SPTBN2: variants seen among roughly 807,000 people sequenced by gnomAD.
SPTBN2 encodes spectrin beta chain, non-erythrocytic 2.
SPTBN2 carries 107 observed loss-of-function variants against 284.2 expected under a neutral mutation model. The observed-to-expected ratio is 0.38, with a 90% CI of 0.32 to 0.44. SPTBN2 has a LOEUF of 0.44. Ranked by LOEUF, SPTBN2 falls within the 20% of genes least tolerant of loss-of-function variation. The probability of loss-of-function intolerance (pLI) is 1.00; values close to 1 mark genes in which losing one functional copy is unlikely to be tolerated. For missense variants in SPTBN2, 2,569 were observed against 3,287.1 expected (o/e 0.78, Z 5.34); for synonymous variants, 1,289 against 1,354.8 (o/e 0.95, Z 1.07).
In SPTBN2 at chr11:66,721,215, T is replaced by C; in HGVS notation, c.26A>G (p.Asp9Gly). 1 of 1,614,102 alleles carries C rather than the reference T, an allele frequency of 6.2e-7. No homozygotes were observed. The highest frequency in any genetic ancestry group is 1.1e-5 in the South Asian group (1 of 91,076). Residue 9 changes from aspartate to glycine, a missense_variant, in exon 3 of 38, where the codon GAC becomes GGC. This residue lies in a region of SPTBN2 where 304 missense variants were observed against 522.1 expected (regional missense o/e 0.58). Coordinates refer to ENST00000533211, the MANE Select transcript of SPTBN2 (RefSeq NM_006946.4). ...GCCCTGGATTTCCAAGCTGTCAAAG[T>C]CTGTGGGTGACAGCGTGCTGCTCAT... MSSTLSPT[D>G]FDSLEIQGQY...
At position 66,708,357 on chromosome 11, in the gene SPTBN2, T is replaced by C. The variant is rs748206596; in HGVS notation, c.1192-58A>G. ...CAGGGTGGGGAGGGCTCAGTGGGGC[T>C]GGAGGCACATGGTAAGTCCCATGGA... is the stretch of plus-strand genomic sequence containing the variant. On this transcript the variant is annotated intron_variant, in intron 11 of 37. Transcript: ENST00000533211. The surrounding 1 kb of genome is among the most constrained non-coding windows in gnomAD (Gnocchi z 4.4). 9.5e-6 allele frequency: 14 copies of C among 1,474,930 alleles called. No individual in the cohort carries two copies. Among genetic ancestry groups the C allele is most frequent in the African/African-American group, 1.4e-5 (1 of 71,274 alleles). 91.4% of individuals were successfully genotyped at this position (1,474,930 alleles called of 1,614,324 possible).
Position 66,688,400 on chromosome 11 carries a change from T to C in SPTBN2, c.6232-89A>G. The C allele has an allele frequency of 3.2e-6, 5 of 1,541,382 alleles. 1 individual carries two copies. Among genetic ancestry groups the C allele is most frequent in the South Asian group, 2.4e-5 (2 of 83,648 alleles). Reference sequence around the variant, plus strand: ...AGAGCTGAAATGTCTCAACTCTAATTTGATGAAATATGATAAGAGGAGAAC... The same window carrying C: ...AGAGCTGAAATGTCTCAACTCTAATCTGATGAAATATGATAAGAGGAGAAC... On this transcript the variant is annotated intron_variant, in intron 31 of 37. Coordinates refer to ENST00000533211, the MANE Select transcript of SPTBN2 (RefSeq NM_006946.4).
Position 66,741,543 on chromosome 11 carries a change from A to G in SPTBN2, c.-475+2999T>C, listed in dbSNP as rs558599420. Among the ~76,000 whole-genome samples the G allele has an allele frequency of 1.1e-4, 17 of 152,358 alleles. No homozygotes were observed. In the South Asian group the frequency reaches 3.5e-3, roughly 32 times the overall value. ...GGGTGCAGAAATGGAAGCAGAATCA[A>G]TATGTCACCCAGTCTAAGGACTGGA... On this transcript the variant is annotated intron_variant, in intron 1 of 37. Coordinates refer to the SPTBN2 transcript ENST00000611817.
In SPTBN2 at chr11:66,705,011, A is replaced by G; in HGVS notation, c.2265T>C (p.Asp755=). ...CCAACCAGGCCTCCATGTCGTTTGC[A>G]TCGGCCTGGAACTGGTAGAGGCTGG... The part of the protein sequence containing the change: ...QAASLYQFQA[D]ANDMEAWLVD... The change falls in exon 15 of 38, where the codon GAT becomes GAC. Residue 755 remains aspartate, a synonymous_variant. Transcript: ENST00000533211. 1.2e-6 allele frequency: 2 copies of G among 1,603,994 alleles called. No homozygotes were observed. Among genetic ancestry groups the G allele is most frequent in the Non-Finnish European group, 8.5e-7 (1 of 1,179,762 alleles).
rs1177539788 is a variant in SPTBN2, at chr11:66,687,979, G to A, written c.6450+25C>T. 6.2e-7 allele frequency: 1 copy of A among 1,614,020 alleles called. No individual in the cohort carries two copies. Among genetic ancestry groups the A allele is most frequent in the Non-Finnish European group, 8.5e-7 (1 of 1,179,980 alleles). On this transcript the variant is annotated intron_variant, in intron 33 of 37. Coordinates refer to ENST00000533211, the MANE Select transcript of SPTBN2 (RefSeq NM_006946.4). The surrounding 1 kb of genome is among the most constrained non-coding windows in gnomAD (Gnocchi z 5.2). The stretch of plus-strand genomic sequence containing the variant: ...GGTGGAGGGGCTACGACTCCGATGG[G>A]GGCACAGAGGGACAGTGGGGTCACC...
chr11:66,734,195 T>C (rs1942837365), upstream of SPTBN2, among the ~76,000 whole-genome samples: 1 of 152,062 alleles, frequency 6.6e-6, no homozygotes. Context: ...CTTTTCTGCT[T>C]GTCGCTTAAT....
Position 66,705,752 on chromosome 11 carries a change from A to C in SPTBN2, c.1739T>G (p.Ile580Ser). Residue 580 changes from isoleucine (I) to serine (S), a missense_variant, in exon 14 of 38, where the codon ATC (isoleucine) becomes AGC (serine). Physicochemically the swap from Ile to Ser is moderately radical, Grantham distance 142 (BLOSUM62 -2). This residue lies in a region of SPTBN2 where 1,012 missense variants were observed against 1,248.9 expected (regional missense o/e 0.81). Transcript: ENST00000533211. ...CCGCACCCTCTCGGCCTGCACGGCG[A>C]TGTCTGCCTCCACCAGCTCGTGCAG... ...LQLHELVEAD[I>S]AVQAERVRAV... is the part of the protein sequence containing the mutation. 6.2e-7 allele frequency: 1 copy of C among 1,612,614 alleles called. No homozygotes were observed. The highest frequency in any genetic ancestry group is 8.5e-7 in the Non-Finnish European group (1 of 1,179,924).
rs1941647395 is a variant in SPTBN2, at chr11:66,707,825, CG to C, written c.1351-8del. ...GCTCCAGCCCAAAGTTGTCCTGTGT[CG>C]GGGGCAGGGAGAGGAGGTGTGGGGA... On this transcript the variant is annotated splice_region_variant and splice_polypyrimidine_tract_variant and intron_variant, in intron 12 of 37. Coordinates refer to ENST00000533211, the MANE Select transcript of SPTBN2 (RefSeq NM_006946.4). This position sits in a 1 kb window ranked among gnomAD's most constrained non-coding sequence, Gnocchi z 4.9. 2 of 1,607,646 alleles carry C rather than the reference CG, an allele frequency of 1.2e-6. No homozygotes were observed.
In SPTBN2 at chr11:66,694,154, A is replaced by G. The variant is rs757919262; in HGVS notation, c.4488T>C (p.Asp1496=). ...ASREQHQFHR[D]VEDEILWVTE... is the part of the protein sequence containing the mutation. Reference sequence around the variant, plus strand: ...AGTGACTCACAATCTCATCTTCCACATCGCGGTGGAACTGGTGCTGCTCGC... The same window carrying G: ...AGTGACTCACAATCTCATCTTCCACGTCGCGGTGGAACTGGTGCTGCTCGC... Residue 1496 remains aspartate (D), a synonymous_variant, in exon 22 of 38, where the codon GAT becomes GAC. Coordinates refer to ENST00000533211, the MANE Select transcript of SPTBN2 (RefSeq NM_006946.4). 13 of 1,608,308 alleles carry G rather than the reference A, an allele frequency of 8.1e-6. No individual in the cohort carries two copies. The highest frequency in any genetic ancestry group is 1.0e-5 in the Non-Finnish European group (12 of 1,180,014).
chr11:66,709,160 T>C lies in SPTBN2; in HGVS notation c.1074-141A>G, dbSNP rs1194217678. ...CTTTTTATGTGGAAGCCAGAAAATA[T>C]GGGCTAACCAAAAGAACATCATTTT... is the stretch of plus-strand genomic sequence containing the variant. On this transcript the variant is annotated intron_variant, in intron 10 of 37. Transcript: ENST00000533211. The C allele has an allele frequency of 4.0e-5, 29 of 717,524 alleles. No individual in the cohort carries two copies. The East Asian group carries it at 7.0e-4, about 17-fold the overall frequency. The allele number at this position is 717,524 out of a possible 1,614,324, so 44.4% of individuals were successfully genotyped here. A position where few individuals can be genotyped will look rare whatever the true frequency, so the allele number is the denominator to read the frequency against.
chr11:66,740,450 G>C (rs777899937), intron 1 of SPTBN2, among the ~76,000 whole-genome samples: 1 of 152,158 alleles, frequency 6.6e-6, no homozygotes, highest in African/African-American at 2.4e-5. Flanking sequence ...TCCTCTGCTA[G>C]AACATCCCTG....
Position 66,691,164 on chromosome 11 carries a change from T to C in SPTBN2, c.5565+120A>G. 7.2e-7 allele frequency: 1 copy of C among 1,384,398 alleles called. No homozygotes were observed. Among genetic ancestry groups the C allele is most frequent in the Non-Finnish European group, 9.6e-7 (1 of 1,045,376 alleles). 85.8% of individuals were successfully genotyped at this position (1,384,398 alleles called of 1,614,324 possible). ...CAATTTCCTCATCTCGAAATGGCCC[T>C]CGAAAGAGTGCCGTCCTCCCAGCAT... On this transcript the variant is annotated intron_variant, in intron 27 of 37. Coordinates refer to ENST00000533211, the MANE Select transcript of SPTBN2 (RefSeq NM_006946.4). The surrounding 1 kb of genome is among the most constrained non-coding windows in gnomAD (Gnocchi z 8.0).
In SPTBN2 at chr11:66,708,992, C is replaced by A. The variant is rs765495317; in HGVS notation, c.1101G>T (p.Val367=). 2 of 1,613,990 alleles carry A rather than the reference C, an allele frequency of 1.2e-6. No homozygotes were observed. Among genetic ancestry groups the A allele is most frequent in the Non-Finnish European group, 1.7e-6 (2 of 1,179,970 alleles). ...PKFTEKGNLE[V]LLFTIQSKLR... is the part of the protein sequence containing the mutation. ...GCTTGCTCTGGATGGTGAAGAGCAG[C>A]ACTTCCAAGTTCCCTTTCTCGGTAA... The change falls in exon 11 of 38, where the codon GTG becomes GTT. Residue 367 remains valine, a synonymous_variant. Coordinates refer to ENST00000533211, the MANE Select transcript of SPTBN2 (RefSeq NM_006946.4). This position sits in a 1 kb window ranked among gnomAD's most constrained non-coding sequence, Gnocchi z 4.4.
At chr11:66,703,458 C>T (rs551346752) in intron 15 of SPTBN2, among the ~76,000 whole-genome samples, 4 of 151,790 alleles carry the variant, frequency 2.6e-5, no homozygotes, top group Middle Eastern at 3.2e-3. Context: ...CCTGACCCGG[C>T]GCAGTGGCTC....
intron 1 of SPTBN2, among the ~76,000 whole-genome samples, chr11:66,725,060 C>T (rs977886007): frequency 2.6e-5 from 4 of 152,120 alleles, no homozygotes; most frequent in African/African-American, 9.7e-5. Flanking sequence ...CCTCCTCTTC[C>T]CCCAAATAAA....
rs565004105 is a variant in SPTBN2 at position 66,736,775 on chromosome 11, T to C, written c.-474-7583A>G. Reference sequence around the variant, plus strand: ...AAAACCCAGGGCACTCAGAGAAGAATAGGTTTTGTGTACATCTTTGAAGCT... The same window carrying C: ...AAAACCCAGGGCACTCAGAGAAGAACAGGTTTTGTGTACATCTTTGAAGCT... On this transcript the variant is annotated intron_variant, in intron 1 of 37. Coordinates refer to the SPTBN2 transcript ENST00000611817. 2.6e-5 allele frequency among the ~76,000 whole-genome samples: 4 copies of C among 152,314 alleles called. No homozygotes were observed. In the South Asian group the frequency reaches 8.3e-4, roughly 32 times the overall value.
rs1941818028 is a variant in SPTBN2, at chr11:66,710,756, G to A, written c.899C>T (p.Ala300Val). Residue 300 changes from alanine (A) to valine (V), a missense_variant, in exon 10 of 38, where the codon GCC becomes GTC. Physicochemically the swap from Ala to Val is moderately conservative, Grantham distance 64 (BLOSUM62 0). Coordinates refer to ENST00000533211, the MANE Select transcript of SPTBN2 (RefSeq NM_006946.4). The surrounding 1 kb of genome is among the most constrained non-coding windows in gnomAD (Gnocchi z 4.9). ...GKRIGKVLDH[A>V]MEAERLVEKY... ...CTCCACCAGGCGCTCTGCCTCCATG[G>A]CATGGTCCAGCACCTGGGAGGCAGA... The A allele has an allele frequency of 6.2e-7, 1 of 1,613,848 alleles. No homozygotes were observed. Among genetic ancestry groups the A allele is most frequent in the African/African-American group, 1.3e-5 (1 of 74,940 alleles).
chr11:66,704,980 C>T lies in SPTBN2; in HGVS notation c.2296G>A (p.Ala766Thr). 7 of 1,607,378 alleles carry T rather than the reference C, an allele frequency of 4.4e-6. No individual in the cohort carries two copies. Among genetic ancestry groups the T allele is most frequent in the Non-Finnish European group, 5.9e-6 (7 of 1,179,862 alleles). ...ANDMEAWLVD[A>T]LRLVSSPELG... ...TCGGGGCTGGACACCAGGCGCAGTGCGTCAACCAACCAGGCCTCCATGTCG... is the reference window on the plus strand; with the variant it reads ...TCGGGGCTGGACACCAGGCGCAGTGTGTCAACCAACCAGGCCTCCATGTCG... The change falls in exon 15 of 38, where the codon GCA (alanine) becomes ACA (threonine). Residue 766 changes from alanine to threonine, a missense_variant. Physicochemically the swap from Ala to Thr is moderately conservative, Grantham distance 58 (BLOSUM62 0). Transcript: ENST00000533211.
In SPTBN2 at chr11:66,705,481, C is replaced by T. The variant is rs1351220619; in HGVS notation, c.1808-13G>A. On this transcript the variant is annotated splice_polypyrimidine_tract_variant and intron_variant, in intron 14 of 37. Transcript: ENST00000533211. The stretch of plus-strand genomic sequence containing the variant: ...CAAGGTCTATACTCTGAGAAAGTCA[C>T]AGGAGAGGGTCAGAGCCTTAACCCA... 6.2e-7 allele frequency: 1 copy of T among 1,612,838 alleles called. No individual in the cohort carries two copies. The highest frequency in any genetic ancestry group is 2.2e-5 in the East Asian group (1 of 44,898).
Sources: gnomAD v4.1 joint callset for allele counts (sites outside exome capture counted in the v4.1 genomes callset) on GRCh38, gnomAD v4.1.1 for gene constraint, gnomAD v4.1.1 regional missense constraint, Gnocchi (gnomAD v3.1) non-coding constraint, MANE v1.5 for transcripts, NCBI Gene and HGNC (gene_info 2026-07-23, HGNC 2026-07-21) for gene names.